The following TRHDE variants were observed in gnomAD, a reference collection of about 807,000 sequenced individuals.
TRHDE encodes the protein thyrotropin releasing hormone degrading enzyme, also known as thyrotropin-releasing hormone-degrading ectoenzyme.
A neutral mutation model predicts 125.7 loss-of-function variants in TRHDE; 72 were observed. The observed-to-expected ratio is 0.57, with a 90% CI of 0.47 to 0.70. TRHDE has a LOEUF of 0.70. Among genes scored for constraint, TRHDE ranks in the 30% least tolerant of loss-of-function variants. TRHDE has a pLI of 0.00. For synonymous variants in TRHDE, 509 were observed against 509.1 expected, an observed-to-expected ratio of 1.00 and a Z score of 0.00; for missense variants, 1,110 against 1,327.1, an observed-to-expected ratio of 0.84 and a Z score of 2.54.
intron 2 of TRHDE, among the ~76,000 whole-genome samples, chr12:72,187,446 G>T (rs968563148): frequency 1.9e-4 from 28 of 148,742 alleles, no homozygotes; most frequent in East Asian, 1.4e-3. Flanking sequence ...GAGGTGGGGG[G>T]GGTGGTGGTG....
chr12:72,456,363 G>C (rs967809942), intron 3 of TRHDE, among the ~76,000 whole-genome samples: 2 of 151,956 alleles, frequency 1.3e-5, no homozygotes, highest in African/African-American at 2.4e-5. Flanking sequence ...TGTGCTCTTG[G>C]ACCTCTGTAT....
chr12:72,499,943 T>C (rs1354552859), intron 6 of TRHDE, among the ~76,000 whole-genome samples: 1 of 152,170 alleles, frequency 6.6e-6, no homozygotes, highest in East Asian at 1.9e-4. Flanking sequence ...TTTATTATTA[T>C]TAATAAGAGG....
intron 2 of TRHDE, among the ~76,000 whole-genome samples, chr12:72,135,151 T>C (rs1875952817): frequency 1.3e-5 from 2 of 152,192 alleles, no homozygotes; most frequent in Non-Finnish European, 2.9e-5. Flanking sequence ...GGTTTTGGAC[T>C]CTAGCTCAGT....
rs571215013 is a variant in TRHDE, at chr12:72,314,166, A to C, written c.1188+27212A>C. Among the ~76,000 whole-genome samples, 38 of 152,324 alleles carry C rather than the reference A, an allele frequency of 2.5e-4. No homozygotes were observed. The South Asian group carries it at 7.7e-3, about 31-fold the overall frequency. ...CTCAGACCCTTAGCAGTTCTTGACA[A>C]AAATATCTGTTTTATCACATGTGAG... On this transcript the variant is annotated intron_variant, in intron 2 of 18. Coordinates refer to ENST00000261180, the MANE Select transcript of TRHDE (RefSeq NM_013381.3).
chr12:72,155,431 A>G (rs148096327), intron 2 of TRHDE, among the ~76,000 whole-genome samples: 4,581 of 152,150 alleles, frequency 0.03, 121 homozygotes, highest in African/African-American at 0.068. Flanking sequence ...TCTGTTGCTG[A>G]TGAGGAGCTG....
At chr12:72,124,768 G>A (rs1006453579) in intron 2 of TRHDE, among the ~76,000 whole-genome samples, 1 of 152,102 alleles carries the variant, frequency 6.6e-6, no homozygotes, top group African/African-American at 2.4e-5. Context: ...ATGTTTGCAG[G>A]CATGGTGGCA....
intron 12 of TRHDE, among the ~76,000 whole-genome samples, chr12:72,606,090 T>TGAC (rs1240399973): frequency 6.6e-6 from 1 of 152,232 alleles, no homozygotes; most frequent in Non-Finnish European, 1.5e-5. Flanking sequence ...GCTGCCAGTC[T>TGAC]GACTTCCCAC....
In TRHDE at chr12:72,273,359, T is replaced by G. The variant is rs756348494; in HGVS notation, c.716T>G (p.Leu239Arg). 1.2e-6 allele frequency: 2 copies of G among 1,614,126 alleles called. No homozygotes were observed. Among genetic ancestry groups the G allele is most frequent in the East Asian group, 2.2e-5 (1 of 44,870 alleles). The change falls in exon 1 of 19, where the codon CTG becomes CGG. Residue 239 changes from leucine (L) to arginine (R), a missense_variant. Physicochemically the swap from Leu to Arg is moderately radical, Grantham distance 102. Around this residue, in one of 5 missense-constraint regions of TRHDE, gnomAD observed 72 missense variants for 122.2 expected, o/e 0.59. Coordinates refer to ENST00000261180, the MANE Select transcript of TRHDE (RefSeq NM_013381.3). The surrounding 1 kb of genome is among the most constrained non-coding windows in gnomAD (Gnocchi z 5.3). ...ASRVAVEKVQ[L>R]AEDRAFGAVP... ...CGAGTGGCGGTGGAGAAAGTGCAGC[T>G]GGCCGAGGACCGGGCGTTCGGGGCT...
At chr12:72,220,574 C>T (rs955267296) in intron 2 of TRHDE, among the ~76,000 whole-genome samples, 6 of 152,060 alleles carry the variant, frequency 3.9e-5, no homozygotes, top group Admixed American at 6.6e-5. Context: ...TTGTTTCTTT[C>T]CAGCTTTGTT....
At chr12:72,105,745 C>T (rs1406556478) in exon 2 of TRHDE, 2 of 152,120 alleles carry the variant, frequency 1.3e-5, no homozygotes, top group Non-Finnish European at 2.9e-5. Context: ...TGTGCTATGC[C>T]ACTAAAGGTA....
At chr12:72,566,936 TC>T (rs1870475731) in intron 9 of TRHDE, among the ~76,000 whole-genome samples, 1 of 151,950 alleles carries the variant, frequency 6.6e-6, no homozygotes, top group African/African-American at 2.4e-5. Context: ...TCAGGCTTTT[TC>T]AAGATCTAGG....
intron 7 of TRHDE, among the ~76,000 whole-genome samples, chr12:72,547,974 T>G (rs955094450): frequency 2.2e-4 from 34 of 152,000 alleles, no homozygotes; most frequent in African/African-American, 8.2e-4. Context: ...AGGTCATTTG[T>G]AAGGACAAGC....
At position 72,557,959 on chromosome 12, in the gene TRHDE, T is replaced by TCA. The variant is rs111497878; in HGVS notation, c.1789-4187_1789-4186dup. The stretch of plus-strand genomic sequence containing the variant: ...CAAATATTGCAAAAAGAAAGACAAA[T>TCA]CACACACACACACACACACATACAT... On this transcript the variant is annotated intron_variant, in intron 7 of 18. Transcript: ENST00000261180. Among the ~76,000 whole-genome samples, 140 of 148,810 alleles carry TCA rather than the reference T, an allele frequency of 9.4e-4. 1 individual carries two copies. Among genetic ancestry groups the TCA allele is most frequent in the Middle Eastern group, 6.8e-3 (2 of 292 alleles).
chr12:72,338,430 C>T (rs962466155), intron 2 of TRHDE, among the ~76,000 whole-genome samples: 11 of 152,212 alleles, frequency 7.2e-5, no homozygotes, highest in Middle Eastern at 3.4e-3. Context: ...ACCTTCAGAA[C>T]GTGGGATCAT....
At chr12:72,377,346 T>C (rs1871936557) in intron 2 of TRHDE, among the ~76,000 whole-genome samples, 1 of 151,824 alleles carries the variant, frequency 6.6e-6, no homozygotes, top group Admixed American at 6.6e-5. Context: ...TATACAATGC[T>C]TGCTTTAAAA....
rs118056141 is a variant in TRHDE, at chr12:72,311,614, T to G, written c.1188+24660T>G. ...GGGATACTAACTAAATAGCTTTACC[T>G]ACTGTCAGGGAGAAACTCAGTTAAT... On this transcript the variant is annotated intron_variant, in intron 2 of 18. Transcript: ENST00000261180. Among the ~76,000 whole-genome samples, 5 of 152,328 alleles carry G rather than the reference T, an allele frequency of 3.3e-5. No individual in the cohort carries two copies. The East Asian group carries it at 9.6e-4, about 29-fold the overall frequency.
intron 2 of TRHDE, among the ~76,000 whole-genome samples, chr12:72,374,984 C>A (rs548578153): frequency 6.6e-6 from 1 of 152,072 alleles, no homozygotes; most frequent in African/African-American, 2.4e-5. Context: ...TATCTGGAAA[C>A]CATAGCTGGA....
chr12:72,172,104 G>A (rs1381598496), intron 2 of TRHDE, among the ~76,000 whole-genome samples: 3 of 152,124 alleles, frequency 2.0e-5, no homozygotes, highest in Non-Finnish European at 4.4e-5. Context: ...GGGCATATCA[G>A]TATCTTCCAA....
In TRHDE at chr12:72,668,023, T is replaced by C. The variant is rs1368045337; in HGVS notation, c.*4828T>C. 1.3e-5 allele frequency: 2 copies of C among 151,850 alleles called. No individual in the cohort carries two copies. The highest frequency in any genetic ancestry group is 1.9e-4 in the East Asian group (1 of 5,154). The allele number at this position is 151,850 out of a possible 1,614,324, so 9.4% of individuals were successfully genotyped here. Reference sequence around the variant, plus strand: ...TAAATAATACTTGTCCTAAGCATAATTTATTTGTTGAAATTAGTATATGTG... The same window carrying C: ...TAAATAATACTTGTCCTAAGCATAACTTATTTGTTGAAATTAGTATATGTG... On this transcript the variant is annotated 3_prime_UTR_variant, in exon 19 of 19. Coordinates refer to ENST00000261180, the MANE Select transcript of TRHDE (RefSeq NM_013381.3).
Sources: gnomAD v4.1 joint callset for allele counts (sites outside exome capture counted in the v4.1 genomes callset) on GRCh38, gnomAD v4.1.1 for gene constraint, gnomAD v4.1.1 regional missense constraint, Gnocchi (gnomAD v3.1) non-coding constraint, MANE v1.5 for transcripts, NCBI Gene and HGNC (gene_info 2026-07-23, HGNC 2026-07-21) for gene names.